Variants in NIF3L1 observed in about 807,000 individuals in gnomAD.
NIF3L1 encodes the protein NGG1 interacting factor 3 like 1, also known as NIF3-like protein 1.
A neutral mutation model predicts 35.0 loss-of-function variants in NIF3L1; 26 were observed. That is an observed-to-expected ratio of 0.74 (90% CI 0.54 to 1.03). NIF3L1 has a LOEUF of 1.03. Among genes scored for constraint, NIF3L1 ranks in the 50% least tolerant of loss-of-function variants. The pLI, the probability that NIF3L1 is intolerant of heterozygous loss-of-function variation, is 0.00. For missense variants in NIF3L1, 449 were observed against 466.3 expected (o/e 0.96, Z 0.34); for synonymous variants, 157 against 178.9 (o/e 0.88, Z 0.98).
At chr2:200,894,819 G>A (rs1014056587) in intron 3 of NIF3L1, among the ~76,000 whole-genome samples, 2 of 150,088 alleles carry the variant, frequency 1.3e-5, no homozygotes, top group Admixed American at 6.7e-5. Context: ...CAAGTGACCC[G>A]CCCACCTTGG....
At chr2:200,903,028 G>C (rs1308469832) in intron 6 of NIF3L1, among the ~76,000 whole-genome samples, 1 of 152,194 alleles carries the variant, frequency 6.6e-6, no homozygotes, top group African/African-American at 2.4e-5. Context: ...TTTCAAGATA[G>C]TCTTACTCTG....
At position 200,903,575 on chromosome 2, in the gene NIF3L1, G is replaced by A. The variant is rs2040445222; in HGVS notation, c.1031G>A (p.Arg344Gln). 2.5e-6 allele frequency: 4 copies of A among 1,613,938 alleles called. No homozygotes were observed. Among genetic ancestry groups the A allele is most frequent in the Non-Finnish European group, 3.4e-6 (4 of 1,179,866 alleles). The change falls in exon 7 of 7, where the codon CGA (arginine) becomes CAA (glutamine). Residue 344 changes from arginine to glutamine, a missense_variant. Arg to Gln is a conservative substitution (Grantham distance 43, BLOSUM62 1). Coordinates refer to ENST00000409020, the MANE Select transcript of NIF3L1 (RefSeq NM_001369441.2). ...CTCTGTGAACACAGCAACACTGAAC[G>A]AGGCTTTCTTTCTGACCTTCGAGAT... Reference protein sequence around the residue: ...VILCEHSNTERGFLSDLRDML... With the variant: ...VILCEHSNTEQGFLSDLRDML...
At position 200,891,323 on chromosome 2, in the gene NIF3L1, A is replaced by G. The variant is rs904655479; in HGVS notation, c.-26-595A>G. Among the ~76,000 whole-genome samples, 3 of 152,130 alleles carry G rather than the reference A, an allele frequency of 2.0e-5. No homozygotes were observed. In the East Asian group the frequency reaches 5.8e-4, roughly 29 times the overall value. On this transcript the variant is annotated intron_variant, in intron 1 of 6. Coordinates refer to ENST00000409020, the MANE Select transcript of NIF3L1 (RefSeq NM_001369441.2). ...CTCCAAATTCTGTTGCAATCAGGGG[A>G]GGCGGGCAGTGTCATTCTATGCAGT...
rs1164387071 is a variant in NIF3L1, at chr2:200,899,231, A to G, written c.866-154A>G. Reference sequence around the variant, plus strand: ...ATGACCTGTTTGCTTATATTAAAACATGTTTTTTTTAAAATGCAGTAAGAA... The same window carrying G: ...ATGACCTGTTTGCTTATATTAAAACGTGTTTTTTTTAAAATGCAGTAAGAA... On this transcript the variant is annotated intron_variant, in intron 5 of 6. Coordinates refer to ENST00000409020, the MANE Select transcript of NIF3L1 (RefSeq NM_001369441.2). 3 of 485,624 alleles carry G rather than the reference A, an allele frequency of 6.2e-6. No homozygotes were observed. The East Asian group carries it at 9.5e-5, about 15-fold the overall frequency. The allele number at this position is 485,624 out of a possible 1,614,324, so 30.1% of individuals were successfully genotyped here. A position where few individuals can be genotyped will look rare whatever the true frequency, so the allele number is the denominator to read the frequency against.
Position 200,893,249 on chromosome 2 carries a change from C to T in NIF3L1, c.440C>T (p.Ala147Val), listed in dbSNP as rs1240601707. 2.2e-5 allele frequency: 33 copies of T among 1,489,762 alleles called. No homozygotes were observed. The highest frequency in any genetic ancestry group is 2.9e-5 in the Non-Finnish European group (32 of 1,116,094). 92.3% of individuals were successfully genotyped at this position (1,489,762 alleles called of 1,614,324 possible). ...TTTCCCACAATATTTTCTCTAGGAG[C>T]TTGTACCTCCAGGCCCATACATCCT... is the stretch of plus-strand genomic sequence containing the variant. Reference protein sequence around the residue: ...VNNWLAKGLGACTSRPIHPSK... With the variant: ...VNNWLAKGLGVCTSRPIHPSK... The change falls in exon 3 of 7, where the codon GCT (alanine) becomes GTT (valine). Residue 147 changes from alanine (A) to valine (V), a missense_variant. By Grantham distance (64) the Ala-to-Val change is moderately conservative (BLOSUM62 0). Transcript: ENST00000409020.
chr2:200,889,782 G>A (rs1188150538), intron 1 of NIF3L1, 130 bp downstream of exon 1: 1 of 151,990 alleles, frequency 6.6e-6, no homozygotes, highest in Non-Finnish European at 1.5e-5. Flanking sequence ...TTGTGGCCTG[G>A]GCACTATTTC....
At chr2:200,896,824 T>G (rs2040323902) in intron 4 of NIF3L1, among the ~76,000 whole-genome samples, 1 of 152,090 alleles carries the variant, frequency 6.6e-6, no homozygotes, top group Non-Finnish European at 1.5e-5. Flanking sequence ...GCTCAAACAA[T>G]CCACCCACCA....
chr2:200,899,308 G>C, intron 5 of NIF3L1, 77 bp from the exon 6 acceptor site: 1 of 1,105,356 alleles, frequency 9.0e-7, no homozygotes, highest in African/African-American at 1.5e-5. Context: ...TTATGTTTAG[G>C]ATTCTTGGTA....
chr2:200,898,613 G>A (rs2040357352), intron 5 of NIF3L1, among the ~76,000 whole-genome samples: 2 of 152,140 alleles, frequency 1.3e-5, no homozygotes, highest in African/African-American at 4.8e-5. Flanking sequence ...GGATAGCAGA[G>A]GTGGGATTTG....
In NIF3L1 at chr2:200,895,375, T is replaced by C. The variant is rs760916334; in HGVS notation, c.711T>C (p.Ile237=). 1 of 1,614,050 alleles carries C rather than the reference T, an allele frequency of 6.2e-7. No homozygotes were observed. The change falls in exon 4 of 7, where the codon ATT becomes ATC. Residue 237 remains isoleucine, a synonymous_variant. Coordinates refer to ENST00000409020, the MANE Select transcript of NIF3L1 (RefSeq NM_001369441.2). ...AACAACTTTATCAGAAGACGGAAAT[T>C]CTGTCACTGGAGAAGGTAATAAGAA... ...RNKQLYQKTE[I]LSLEKPLLLH...
chr2:200,895,166 C>G, intron 3 of NIF3L1, 98 bp from the exon 4 acceptor site: 2 of 1,179,998 alleles, frequency 1.7e-6, no homozygotes, highest in South Asian at 2.8e-5. Context: ...CTTGGTTCCA[C>G]ATAAATCTAA....
chr2:200,895,459 A>G (rs2040289899), intron 4 of NIF3L1, 69 bp downstream of exon 4: 1 of 1,490,498 alleles, frequency 6.7e-7, no homozygotes, highest in Non-Finnish European at 9.3e-7. Context: ...TAATTGAGGT[A>G]TAATTGATAT....
chr2:200,892,499 A>G (rs992396722), intron 2 of NIF3L1, 120 bp downstream of exon 2: 13 of 683,098 alleles, frequency 1.9e-5, no homozygotes, highest in African/African-American at 9.1e-5. Flanking sequence ...ATTTTTATAT[A>G]ATAATTTTAA....
chr2:200,893,898 G>A (rs937230353), intron 3 of NIF3L1, among the ~76,000 whole-genome samples: 7 of 152,140 alleles, frequency 4.6e-5, no homozygotes, highest in African/African-American at 1.7e-4. Context: ...TCCCAGGCTG[G>A]GCACGGTGGC....
In NIF3L1 at chr2:200,903,858, C is replaced by G; in HGVS notation, c.*180C>G. 1 of 609,918 alleles carries G rather than the reference C, an allele frequency of 1.6e-6. No homozygotes were observed. Among genetic ancestry groups the G allele is most frequent in the Admixed American group, 2.8e-5 (1 of 36,144 alleles). The allele number at this position is 609,918 out of a possible 1,614,324, so 37.8% of individuals were successfully genotyped here. Reference sequence around the variant, plus strand: ...CTCGTAAGGTAAAACTGTAATATAACTACCATATTAAATAACAAATGTTCA... The same window carrying G: ...CTCGTAAGGTAAAACTGTAATATAAGTACCATATTAAATAACAAATGTTCA... On this transcript the variant is annotated 3_prime_UTR_variant, in exon 7 of 7. Coordinates refer to ENST00000409020, the MANE Select transcript of NIF3L1 (RefSeq NM_001369441.2).
In NIF3L1 at chr2:200,892,111, G is replaced by A. The variant is rs1171966614; in HGVS notation, c.168G>A (p.Val56=). ...GTTGGGACAATGTTGGATTACTGGT[G>A]GAACCAAGCCCACCACATACTGTAA... The part of the protein sequence containing the change: ...AESWDNVGLL[V]EPSPPHTVNT... Residue 56 remains valine, a synonymous_variant, in exon 2 of 7, where the codon GTG becomes GTA. Coordinates refer to ENST00000409020, the MANE Select transcript of NIF3L1 (RefSeq NM_001369441.2). The A allele has an allele frequency of 6.2e-7, 1 of 1,614,168 alleles. No individual in the cohort carries two copies. Among genetic ancestry groups the A allele is most frequent in the Admixed American group, 1.7e-5 (1 of 60,016 alleles).
Position 200,892,154 on chromosome 2 carries a change from A to G in NIF3L1, c.211A>G (p.Asn71Asp), listed in dbSNP as rs1271946179. The change falls in exon 2 of 7, where the codon AAT (asparagine) becomes GAT (aspartate). Residue 71 changes from asparagine to aspartate, a missense_variant. Physicochemically the swap from Asn to Asp is conservative, Grantham distance 23. Transcript: ENST00000409020. ...PHTVNTLFLT[N>D]DLTEEVMEEV... ...TACTGTAAATACACTCTTCCTGACC[A>G]ATGACCTGACTGAGGAAGTGATGGA... The G allele has an allele frequency of 1.2e-6, 2 of 1,614,062 alleles. No individual in the cohort carries two copies. The highest frequency in any genetic ancestry group is 1.6e-4 in the Middle Eastern group (1 of 6,084).
At chr2:200,899,155 A>G in intron 5 of NIF3L1, 1 of 385,120 alleles carries the variant, frequency 2.6e-6, no homozygotes. Flanking sequence ...AAAAAAAAAC[A>G]CAACAAAGGA....
chr2:200,903,825 T>G lies in NIF3L1; in HGVS notation c.*147T>G, dbSNP rs2040453078. On this transcript the variant is annotated 3_prime_UTR_variant, in exon 7 of 7. Coordinates refer to ENST00000409020, the MANE Select transcript of NIF3L1 (RefSeq NM_001369441.2). ...GTTTGTTAATCTTATTCACCAAATG[T>G]TCTATCGCTCGTAAGGTAAAACTGT... is the stretch of plus-strand genomic sequence containing the variant. The G allele has an allele frequency of 5.8e-6, 4 of 689,084 alleles. No homozygotes were observed. The highest frequency in any genetic ancestry group is 4.8e-5 in the South Asian group (3 of 62,920). 42.7% of individuals were successfully genotyped at this position (689,084 alleles called of 1,614,324 possible).
Sources: allele counts gnomAD v4.1 joint callset (sites outside exome capture counted in the v4.1 genomes callset), GRCh38; gene constraint gnomAD v4.1.1; transcripts MANE v1.5; gene names NCBI Gene and HGNC (gene_info 2026-07-23, HGNC 2026-07-21).